The following ADGRL2 variants were observed in gnomAD, a reference collection of about 807,000 sequenced individuals.
The protein encoded by ADGRL2 is adhesion G protein-coupled receptor L2.
Under a neutral mutation model 157.4 loss-of-function variants are expected in ADGRL2, and 44 were observed. The observed-to-expected ratio is 0.28, with a 90% CI of 0.22 to 0.36. The LOEUF (loss-of-function observed/expected upper bound fraction) is 0.36, where lower values mean the gene tolerates loss of function less well. Ranked by LOEUF, ADGRL2 falls within the 10% of genes least tolerant of loss-of-function variation. The pLI is 1.00. For synonymous variants in ADGRL2, 585 were observed against 624.7 expected (o/e 0.94, Z 0.95); for missense variants, 1,510 against 1,768.9 (o/e 0.85, Z 2.63).
chr1:81,745,898 T>C (rs940044265), intron 1 of ADGRL2, among the ~76,000 whole-genome samples: 1 of 152,166 alleles, frequency 6.6e-6, no homozygotes, highest in Non-Finnish European at 1.5e-5. Flanking sequence ...GTCTATCTTA[T>C]AAAATGACTC....
intron 2 of ADGRL2, among the ~76,000 whole-genome samples, chr1:81,878,528 GTCT>G (rs2093899915): frequency 1.3e-5 from 2 of 151,940 alleles, no homozygotes; most frequent in South Asian, 4.1e-4. Context: ...TCATTTAATC[GTCT>G]TCTTCTTACT....
chr1:81,435,769 T>C (rs61244828), intron 1 of ADGRL2, among the ~76,000 whole-genome samples: 17,640 of 152,150 alleles, frequency 0.12, 1,132 homozygotes, highest in South Asian at 0.22. Flanking sequence ...CTGGGAAAGA[T>C]GGAAGCTAGA....
intron 1 of ADGRL2, among the ~76,000 whole-genome samples, chr1:81,374,624 G>C (rs150033912): frequency 7.9e-4 from 118 of 149,734 alleles, no homozygotes; most frequent in African/African-American, 2.8e-3. Context: ...GAAATGAGTA[G>C]GGCAAGTCCG....
intron 3 of ADGRL2, among the ~76,000 whole-genome samples, chr1:81,650,430 G>T (rs1182792364): frequency 6.6e-6 from 1 of 151,144 alleles, no homozygotes; most frequent in Non-Finnish European, 1.5e-5. Flanking sequence ...ACAAAAATTA[G>T]CTGGGCATGG....
chr1:81,846,751 A>T (rs930322158), intron 2 of ADGRL2, among the ~76,000 whole-genome samples: 2 of 151,950 alleles, frequency 1.3e-5, no homozygotes, highest in Non-Finnish European at 2.9e-5. Context: ...ATATGCCTAT[A>T]TGAAGTTCAA....
In ADGRL2 at chr1:81,607,220, T is replaced by C. The variant is rs574612435; in HGVS notation, c.-143+26240T>C. ...GATGTAAGTTTCCCTAAACGCAACA[T>C]TGGGTATCAAACACACTCGAAGTTA... On this transcript the variant is annotated intron_variant, in intron 3 of 24. Transcript: ENST00000370721. Among the ~76,000 whole-genome samples, 14 of 152,280 alleles carry C rather than the reference T, an allele frequency of 9.2e-5. No homozygotes were observed. The South Asian group carries it at 2.9e-3, about 32-fold the overall frequency.
At chr1:81,338,426 A>C (rs1230557058) in intron 1 of ADGRL2, among the ~76,000 whole-genome samples, 1 of 152,140 alleles carries the variant, frequency 6.6e-6, no homozygotes, top group Non-Finnish European at 1.5e-5. Flanking sequence ...ACAGGCAGTT[A>C]ACATTTTCTT....
chr1:81,988,966 G>C (rs760471471), intron 23 of ADGRL2, among the ~76,000 whole-genome samples: 15 of 149,806 alleles, frequency 1.0e-4, no homozygotes, highest in Non-Finnish European at 1.9e-4. Context: ...TTTTTTTACA[G>C]ACCTATCTGT....
At chr1:81,436,112 A>C (rs554460119) in intron 1 of ADGRL2, among the ~76,000 whole-genome samples, 1 of 152,292 alleles carries the variant, frequency 6.6e-6, no homozygotes, top group African/African-American at 2.4e-5. Context: ...ATAAAAAAGA[A>C]TCATACATCT....
At chr1:81,909,886 G>T (rs2094673234) in intron 3 of ADGRL2, among the ~76,000 whole-genome samples, 1 of 151,986 alleles carries the variant, frequency 6.6e-6, no homozygotes. Flanking sequence ...ATTGTTGGAG[G>T]TACTGTAGTT....
At chr1:81,615,734 T>C (rs1413506533) in intron 3 of ADGRL2, among the ~76,000 whole-genome samples, 1 of 152,216 alleles carries the variant, frequency 6.6e-6, no homozygotes, top group Non-Finnish European at 1.5e-5. Flanking sequence ...TGATAGACAC[T>C]GCTCTGGAGA....
chr1:81,918,027 T>C (rs577376865), intron 3 of ADGRL2, among the ~76,000 whole-genome samples: 12 of 152,210 alleles, frequency 7.9e-5, no homozygotes, highest in Non-Finnish European at 1.8e-4. Context: ...TTTTCTGATA[T>C]ACTTCCCCTC....
chr1:81,977,145 T>G (rs1428468863), intron 17 of ADGRL2, among the ~76,000 whole-genome samples: 1 of 151,858 alleles, frequency 6.6e-6, no homozygotes, highest in African/African-American at 2.4e-5. Flanking sequence ...GAAGGACACA[T>G]CTCAATTATT....
rs2076235335 is a variant in ADGRL2, at chr1:81,375,582, T to G, written c.-302+69073T>G. 2.0e-5 allele frequency among the ~76,000 whole-genome samples: 3 copies of G among 152,302 alleles called. No homozygotes were observed. In the South Asian group the frequency reaches 6.2e-4, roughly 32 times the overall value. On this transcript the variant is annotated intron_variant, in intron 1 of 24. Transcript: ENST00000370721. ...TACTGCTTACAAACATTGGAAATAT[T>G]ACCATCTTTAGATGCTTCTAGCATT...
chr1:81,486,842 A>G (rs1466425712), intron 2 of ADGRL2, among the ~76,000 whole-genome samples: 4 of 152,196 alleles, frequency 2.6e-5, no homozygotes, highest in Admixed American at 2.6e-4. Flanking sequence ...ATCAGGTAAA[A>G]AAATAAACAA....
intron 1 of ADGRL2, among the ~76,000 whole-genome samples, chr1:81,408,907 ACTTT>A (rs1199793778): frequency 6.6e-6 from 1 of 152,186 alleles, no homozygotes; most frequent in Non-Finnish European, 1.5e-5. Flanking sequence ...CCAATGTATG[ACTTT>A]CTATTTCTTT....
intron 1 of ADGRL2, among the ~76,000 whole-genome samples, chr1:81,404,695 A>T (rs1011246121): frequency 7.9e-5 from 12 of 152,216 alleles, no homozygotes; most frequent in African/African-American, 2.7e-4. Context: ...TCAGGTGAAT[A>T]GTCATTTCAA....
At position 81,650,531 on chromosome 1, in the gene ADGRL2, G is replaced by A. The variant is rs868750580; in HGVS notation, c.-143+69551G>A. The stretch of plus-strand genomic sequence containing the variant: ...GTGGAGGTTGCAGTGAGCTGAGATC[G>A]TGCCACTGCACTCTAGCCTGGCAAC... On this transcript the variant is annotated intron_variant, in intron 3 of 24. Transcript: ENST00000370721. 4.5e-4 allele frequency among the ~76,000 whole-genome samples: 67 copies of A among 148,876 alleles called. No individual in the cohort carries two copies. The Middle Eastern group carries it at 0.022, about 48-fold the overall frequency.
intron 2 of ADGRL2, among the ~76,000 whole-genome samples, chr1:81,492,467 T>A (rs1231750067): frequency 1.3e-5 from 2 of 152,192 alleles, no homozygotes; most frequent in Non-Finnish European, 1.5e-5. Context: ...GTCTATTGAC[T>A]GAGATCACAT....
Sources: gnomAD v4.1 joint callset for allele counts (sites outside exome capture counted in the v4.1 genomes callset) on GRCh38, gnomAD v4.1.1 for gene constraint, MANE v1.5 for transcripts, NCBI Gene and HGNC (gene_info 2026-07-23, HGNC 2026-07-21) for gene names.